TMEM161B: variants seen among roughly 807,000 people sequenced by gnomAD.
The protein encoded by TMEM161B is transmembrane protein 161B.
A neutral mutation model predicts 61.8 loss-of-function variants in TMEM161B; 34 were observed. The ratio of observed to expected loss-of-function variants is 0.55; its 90% CI spans 0.42 to 0.73. The LOEUF (loss-of-function observed/expected upper bound fraction) is 0.73. Ranked by LOEUF, TMEM161B falls within the 30% of genes least tolerant of loss-of-function variation. TMEM161B has a pLI of 0.00. For missense variants in TMEM161B, 456 were observed against 558.5 expected (o/e 0.82, Z 1.85); for synonymous variants, 167 against 192.8 (o/e 0.87, Z 1.11).
At position 88,268,799 on chromosome 5, in the gene TMEM161B, T is replaced by C. The variant is rs1007954223; in HGVS notation, c.-76A>G. ...CCCAAACCTCTTACCTCCCGGTCCT[T>C]GAGCCGAGAGACTCTCAAACAGCGA... On this transcript the variant is annotated 5_prime_UTR_variant, in exon 1 of 12. Coordinates refer to ENST00000296595, the MANE Select transcript of TMEM161B (RefSeq NM_153354.5). 1 of 1,609,478 alleles carries C rather than the reference T, an allele frequency of 6.2e-7. No homozygotes were observed. Among genetic ancestry groups the C allele is most frequent in the Admixed American group, 1.7e-5 (1 of 59,442 alleles).
At chr5:88,241,894 A>T (rs1173527457) in intron 1 of TMEM161B, among the ~76,000 whole-genome samples, 1 of 151,758 alleles carries the variant, frequency 6.6e-6, no homozygotes, top group Non-Finnish European at 1.5e-5. Context: ...AAGCTCACAA[A>T]GTCACTTATA....
chr5:88,192,008 A>ATATATATATATG (rs1748979205), downstream of TMEM161B, among the ~76,000 whole-genome samples: 1 of 92,628 alleles, frequency 1.1e-5, no homozygotes, highest in Non-Finnish European at 2.1e-5. Flanking sequence ...ATATATATAT[A>ATATATATATATG]TATATATATA....
At chr5:88,215,008 T>A (rs1177967757) in intron 5 of TMEM161B, among the ~76,000 whole-genome samples, 1 of 152,236 alleles carries the variant, frequency 6.6e-6, no homozygotes, top group African/African-American at 2.4e-5. Context: ...GTAGAAAGCA[T>A]AATTTGCTGT....
rs765252105 is a variant in TMEM161B, at chr5:88,198,999, T to C, written c.1066A>G (p.Ser356Gly). The C allele has an allele frequency of 6.2e-7, 1 of 1,613,040 alleles. No individual in the cohort carries two copies. The highest frequency in any genetic ancestry group is 1.1e-5 in the South Asian group (1 of 91,026). Residue 356 changes from serine to glycine, a missense_variant, in exon 10 of 12, where the codon AGC (serine) becomes GGC (glycine). Ser to Gly is a moderately conservative substitution (Grantham distance 56). Transcript: ENST00000296595. ...ACCATTTTCTGTAGCTCAACCGTGCTTATTCGCCCCGCTTCTTTCTTCATC... is the reference window on the plus strand; with the variant it reads ...ACCATTTTCTGTAGCTCAACCGTGCCTATTCGCCCCGCTTCTTTCTTCATC... ...DQMKKEAGRI[S>G]TVELQKMVAR...
At chr5:88,237,157 C>T (rs904935943) in intron 2 of TMEM161B, among the ~76,000 whole-genome samples, 2 of 152,094 alleles carry the variant, frequency 1.3e-5, no homozygotes, top group Admixed American at 6.6e-5. Flanking sequence ...ATAATATCAC[C>T]TATGGCAGAA....
At chr5:88,230,968 G>A (rs1269638775) in intron 2 of TMEM161B, among the ~76,000 whole-genome samples, 4 of 152,096 alleles carry the variant, frequency 2.6e-5, no homozygotes, top group Non-Finnish European at 4.4e-5. Flanking sequence ...TGGAAATTAA[G>A]TTGGATCATT....
At chr5:88,248,857 G>T (rs1753962643) in intron 1 of TMEM161B, among the ~76,000 whole-genome samples, 1 of 151,942 alleles carries the variant, frequency 6.6e-6, no homozygotes, top group Non-Finnish European at 1.5e-5. Context: ...CTCTTTTAAG[G>T]AAATCCTTTT....
Position 88,202,999 on chromosome 5 carries a change from T to G in TMEM161B, c.877A>C (p.Ile293Leu). The G allele has an allele frequency of 6.2e-7, 1 of 1,612,030 alleles. No homozygotes were observed. Among genetic ancestry groups the G allele is most frequent in the Non-Finnish European group, 8.5e-7 (1 of 1,178,340 alleles). ...TCTTTGCCCAGTGGTGGGTTCATAA[T>G]GTAGTCTTTGGTGATTGGTTTTACC... ...LWVKPITKDY[I>L]MNPPLGKESI... Residue 293 changes from isoleucine to leucine, a missense_variant, in exon 9 of 12, where the codon ATT becomes CTT. By Grantham distance (5) the Ile-to-Leu change is conservative. Coordinates refer to ENST00000296595, the MANE Select transcript of TMEM161B (RefSeq NM_153354.5).
Position 88,203,029 on chromosome 5 carries a change from G to T in TMEM161B, c.847C>A (p.Leu283Ile). Reference protein sequence around the residue: ...NFLAPLFMVLLWVKPITKDYI... With the variant: ...NFLAPLFMVLIWVKPITKDYI... ...TCTTTGGTGATTGGTTTTACCCAGA[G>T]CAGAACCATAAATAAAGGTGCCAAG... is the stretch of plus-strand genomic sequence containing the variant. Residue 283 changes from leucine (L) to isoleucine (I), a missense_variant, in exon 9 of 12, where the codon CTC (leucine) becomes ATC (isoleucine). Physicochemically the swap from Leu to Ile is conservative, Grantham distance 5. This residue lies in a region of TMEM161B where 367 missense variants were observed against 427.3 expected (regional missense o/e 0.86). Coordinates refer to ENST00000296595, the MANE Select transcript of TMEM161B (RefSeq NM_153354.5). 6.2e-7 allele frequency: 1 copy of T among 1,611,290 alleles called. No homozygotes were observed. The highest frequency in any genetic ancestry group is 8.5e-7 in the Non-Finnish European group (1 of 1,177,898).
chr5:88,212,748 G>GA (rs1005817402), intron 5 of TMEM161B, among the ~76,000 whole-genome samples: 1 of 152,164 alleles, frequency 6.6e-6, no homozygotes, highest in African/African-American at 2.4e-5. Flanking sequence ...AGAATCACTT[G>GA]AATCCAGGAG....
intron 4 of TMEM161B, among the ~76,000 whole-genome samples, chr5:88,222,476 A>G (rs1749179814): frequency 6.7e-6 from 1 of 149,016 alleles, no homozygotes; most frequent in Non-Finnish European, 1.5e-5. Flanking sequence ...CCCTGCTAAG[A>G]AAAAAAAAAA....
At chr5:88,207,255 A>G (rs1745686733) in intron 5 of TMEM161B, 75 bp from the exon 6 acceptor site, 2 of 1,347,176 alleles carry the variant, frequency 1.5e-6, no homozygotes, top group East Asian at 5.2e-5. Context: ...ATAGGACTTG[A>G]TTGCAATAAA....
intron 5 of TMEM161B, among the ~76,000 whole-genome samples, chr5:88,214,794 AAGAAG>A (rs1224961103): frequency 6.6e-6 from 1 of 152,232 alleles, no homozygotes; most frequent in Non-Finnish European, 1.5e-5. Context: ...ATGAGAAAGA[AAGAAG>A]AGTAGAGCTG....
At position 88,196,548 on chromosome 5, in the gene TMEM161B, A is replaced by T. The variant is rs1050524130; in HGVS notation, c.1187-60T>A. 36 of 1,415,630 alleles carry T rather than the reference A, an allele frequency of 2.5e-5. No individual in the cohort carries two copies. In the South Asian group the frequency reaches 3.2e-4, roughly 12 times the overall value. 87.7% of individuals were successfully genotyped at this position (1,415,630 alleles called of 1,614,324 possible). Reference sequence around the variant, plus strand: ...GTAACTAATTACCAAGCTTTTTATTAAAAAAAAATCTTCCTATATTTGAAA... The same window carrying T: ...GTAACTAATTACCAAGCTTTTTATTTAAAAAAAATCTTCCTATATTTGAAA... On this transcript the variant is annotated intron_variant, in intron 11 of 11. Transcript: ENST00000296595.
intron 1 of TMEM161B, among the ~76,000 whole-genome samples, chr5:88,265,361 G>A (rs915971911): frequency 1.3e-5 from 2 of 152,098 alleles, no homozygotes; most frequent in Admixed American, 6.6e-5. Context: ...GGATGGTTTC[G>A]GGATGAAATT....
At chr5:88,195,036 T>C (rs1215551010), downstream of TMEM161B, 1 of 506,488 alleles carries the variant, frequency 2.0e-6, no homozygotes, top group Non-Finnish European at 2.5e-6. Context: ...TTAAAACAAG[T>C]CCTATTTAAC....
downstream of TMEM161B, among the ~76,000 whole-genome samples, chr5:88,191,753 C>T (rs896668420): frequency 8.6e-5 from 13 of 151,314 alleles, no homozygotes; most frequent in Admixed American, 1.3e-4. Context: ...GTCAGGAGAT[C>T]GAGACCATCC....
At chr5:88,197,618 A>T in intron 11 of TMEM161B, 51 bp downstream of exon 11, 1 of 1,409,082 alleles carries the variant, frequency 7.1e-7, no homozygotes, top group Non-Finnish European at 9.8e-7. Flanking sequence ...AAGCTTTATT[A>T]ATTATAGGTA....
intron 6 of TMEM161B, 33 bp from the exon 7 acceptor site, chr5:88,206,532 C>T (rs1303420719): frequency 4.1e-6 from 6 of 1,455,784 alleles, no homozygotes; most frequent in East Asian, 2.3e-5. Flanking sequence ...CAACAGATTA[C>T]TCTTATCACA....
Sources: gnomAD v4.1 joint callset for allele counts (sites outside exome capture counted in the v4.1 genomes callset) on GRCh38, gnomAD v4.1.1 for gene constraint, gnomAD v4.1.1 regional missense constraint, MANE v1.5 for transcripts, NCBI Gene and HGNC (gene_info 2026-07-23, HGNC 2026-07-21) for gene names.